The following SNRPN variants were observed in gnomAD, a reference collection of about 807,000 sequenced individuals.
The protein encoded by SNRPN is small nuclear ribonucleoprotein polypeptide N.
Under a neutral mutation model 25.2 loss-of-function variants are expected in SNRPN, and 7 were observed. The ratio of observed to expected loss-of-function variants is 0.28; its 90% CI spans 0.16 to 0.52. SNRPN has a LOEUF of 0.52. Among genes scored for constraint, SNRPN ranks in the 20% least tolerant of loss-of-function variants. SNRPN has a pLI of 0.96. For missense variants in SNRPN, 196 were observed against 322.5 expected (o/e 0.61, Z 3.00); for synonymous variants, 124 against 110.6 (o/e 1.12, Z -0.76).
chr15:24,881,745 T>C (rs2056706630), intron 1 of SNRPN, among the ~76,000 whole-genome samples: 1 of 152,174 alleles, frequency 6.6e-6, no homozygotes, highest in South Asian at 2.1e-4. Flanking sequence ...AAAGTGCATC[T>C]AGATTTTGAA....
chr15:24,944,496 G>C (rs893929333), intron 3 of SNRPN, among the ~76,000 whole-genome samples: 1 of 152,138 alleles, frequency 6.6e-6, no homozygotes, highest in African/African-American at 2.4e-5. Context: ...TCAGGAGTTC[G>C]AGAGTGGCCT....
At chr15:24,960,849 T>C (rs2074676940) in intron 1 of SNRPN, among the ~76,000 whole-genome samples, 1 of 152,204 alleles carries the variant, frequency 6.6e-6, no homozygotes, top group South Asian at 2.1e-4. Context: ...AAAGTTGATA[T>C]GCTAAGAGAT....
chr15:24,862,103 A>G (rs935094557), intron 1 of SNRPN, among the ~76,000 whole-genome samples: 2 of 147,824 alleles, frequency 1.4e-5, no homozygotes, highest in African/African-American at 2.6e-5. Context: ...CATGCAAACA[A>G]TGAAAAGCAT....
intron 2 of SNRPN, among the ~76,000 whole-genome samples, chr15:24,894,767 C>A (rs2057966208): frequency 6.6e-6 from 1 of 152,184 alleles, no homozygotes; most frequent in African/African-American, 2.4e-5. Context: ...GGTGAAAATT[C>A]TCACCTTGCA....
intron 1 of SNRPN, among the ~76,000 whole-genome samples, chr15:24,858,873 T>A (rs2053706289): frequency 6.6e-6 from 1 of 151,270 alleles, no homozygotes; most frequent in Non-Finnish European, 1.5e-5. Flanking sequence ...CCCACCCCCT[T>A]TTCCTTTTTC....
intron 1 of SNRPN, among the ~76,000 whole-genome samples, chr15:24,872,770 C>T (rs1419607199): frequency 1.1e-5 from 1 of 90,874 alleles, no homozygotes; most frequent in African/African-American, 3.9e-5. Context: ...AAAAAAAAAG[C>T]TGGGTGCGGT....
chr15:24,976,892 G>C lies in SNRPN; in HGVS notation c.283G>C (p.Val95Leu), dbSNP rs1288946607. The change falls in exon 7 of 10, where the codon GTA becomes CTA. Residue 95 changes from valine (V) to leucine (L), a missense_variant. By Grantham distance (32) the Val-to-Leu change is conservative. Coordinates refer to ENST00000390687, the MANE Select transcript of SNRPN (RefSeq NM_003097.6). ...PPPKDTGIAR[V>L]PLAGAAGGPG... ...CTTGTTTCAGACTGGCATTGCTCGG[G>C]TACCACTTGCTGGAGCTGCTGGAGG... is the stretch of plus-strand genomic sequence containing the variant. 4 of 1,608,042 alleles carry C rather than the reference G, an allele frequency of 2.5e-6. No individual in the cohort carries two copies.
intron 1 of SNRPN, among the ~76,000 whole-genome samples, chr15:24,880,677 T>C (rs751103528): frequency 3.3e-5 from 5 of 152,038 alleles, no homozygotes; most frequent in Admixed American, 2.0e-4. Context: ...AAAAAATTAA[T>C]ATGTGCTCAT....
intron 2 of SNRPN, among the ~76,000 whole-genome samples, chr15:24,894,442 A>C (rs2057933042): frequency 6.6e-6 from 1 of 152,034 alleles, no homozygotes; most frequent in Admixed American, 6.6e-5. Flanking sequence ...ATGTGTCTTG[A>C]TCTCCTGACC....
At chr15:24,975,635 T>C in intron 5 of SNRPN, 126 bp downstream of exon 5, 1 of 747,360 alleles carries the variant, frequency 1.3e-6, no homozygotes, top group Non-Finnish European at 2.3e-6. Flanking sequence ...GCCAGTCTAT[T>C]GTTTAACCTC....
At chr15:24,895,915 C>G (rs1447471046) in intron 2 of SNRPN, among the ~76,000 whole-genome samples, 1 of 152,172 alleles carries the variant, frequency 6.6e-6, no homozygotes, top group East Asian at 1.9e-4. Context: ...AATATGAGAA[C>G]AAGGTCTTTC....
At chr15:24,864,145 G>A (rs1250780069) in intron 1 of SNRPN, among the ~76,000 whole-genome samples, 2 of 148,012 alleles carry the variant, frequency 1.4e-5, no homozygotes, top group Non-Finnish European at 3.0e-5. Flanking sequence ...TCCTGCCTCA[G>A]CCTCCCAAGT....
intron 3 of SNRPN, among the ~76,000 whole-genome samples, chr15:24,945,133 T>C (rs1474238857): frequency 1.3e-5 from 2 of 152,020 alleles, no homozygotes; most frequent in Non-Finnish European, 2.9e-5. Context: ...ATGTTTAGCT[T>C]TGTGGGTCAT....
chr15:24,843,091 A>G (rs2051842281), intron 2 of SNRPN, among the ~76,000 whole-genome samples: 1 of 151,712 alleles, frequency 6.6e-6, no homozygotes, highest in Non-Finnish European at 1.5e-5. Flanking sequence ...GTTTTTTTTT[A>G]AGACAGAGTT....
At chr15:24,830,701 A>G (rs2050444155) in intron 2 of SNRPN, among the ~76,000 whole-genome samples, 1 of 152,096 alleles carries the variant, frequency 6.6e-6, no homozygotes, top group Admixed American at 6.5e-5. Context: ...ATTATTTGGA[A>G]ATGAATTATA....
At chr15:24,867,105 T>G (rs1283710180) in intron 1 of SNRPN, among the ~76,000 whole-genome samples, 1 of 152,174 alleles carries the variant, frequency 6.6e-6, no homozygotes, top group African/African-American at 2.4e-5. Flanking sequence ...TGTAGGTATC[T>G]CTTCAACATA....
intron 1 of SNRPN, among the ~76,000 whole-genome samples, chr15:24,864,020 T>A (rs1401689200): frequency 6.7e-6 from 1 of 148,252 alleles, no homozygotes; most frequent in Non-Finnish European, 1.5e-5. Flanking sequence ...TATTTATTTT[T>A]ATTTTATTAT....
intron 2 of SNRPN, chr15:24,909,227 A>T: frequency 1.3e-6 from 2 of 1,560,616 alleles, no homozygotes; most frequent in Non-Finnish European, 1.8e-6. Context: ...CTGGCCCATG[A>T]TGTGCTTCCG....
chr15:24,965,880 T>TA (rs1336339429), intron 2 of SNRPN, among the ~76,000 whole-genome samples: 10 of 151,674 alleles, frequency 6.6e-5, no homozygotes, highest in Non-Finnish European at 1.2e-4. Context: ...TATTTTTTTT[T>TA]ACTGAAACAC....
Sources: allele counts gnomAD v4.1 joint callset (sites outside exome capture counted in the v4.1 genomes callset), GRCh38; gene constraint gnomAD v4.1.1; transcripts MANE v1.5; gene names NCBI Gene and HGNC (gene_info 2026-07-23, HGNC 2026-07-21).